RBM33: variants seen among roughly 807,000 people sequenced by gnomAD.
RBM33 encodes RNA-binding protein 33.
A neutral mutation model predicts 132.6 loss-of-function variants in RBM33; 28 were observed. That is an observed-to-expected ratio of 0.21 (90% CI 0.16 to 0.29). The LOEUF (loss-of-function observed/expected upper bound fraction) is 0.29, where lower values mean the gene tolerates loss of function less well. Among genes scored for constraint, RBM33 ranks in the 10% least tolerant of loss-of-function variants. RBM33 has a pLI of 1.00. For synonymous variants in RBM33, 634 were observed against 593.0 expected, an observed-to-expected ratio of 1.07 and a Z score of -1.01; for missense variants, 1,291 against 1,518.5, an observed-to-expected ratio of 0.85 and a Z score of 2.49.
At chr7:155,704,983 TTTG>T (rs1231975681) in intron 6 of RBM33, among the ~76,000 whole-genome samples, 6 of 152,328 alleles carry the variant, frequency 3.9e-5, no homozygotes, top group African/African-American at 1.4e-4. Context: ...CAGACTGTCA[TTTG>T]TTATTTTTAT....
chr7:155,685,762 G>C (rs1015988864), intron 5 of RBM33, among the ~76,000 whole-genome samples: 1 of 152,226 alleles, frequency 6.6e-6, no homozygotes, highest in Non-Finnish European at 1.5e-5. Flanking sequence ...AGACATGCAA[G>C]CCACAAATCA....
At chr7:155,695,607 G>A (rs147848509) in intron 5 of RBM33, among the ~76,000 whole-genome samples, 1,620 of 151,982 alleles carry the variant, frequency 0.011, 23 homozygotes, top group African/African-American at 0.037. Flanking sequence ...TTACAGGCAC[G>A]TACCACCACA....
rs370683007 is a variant in RBM33, at chr7:155,745,419, G to C, written c.2796G>C (p.Pro932=). The C allele has an allele frequency of 6.2e-7, 1 of 1,613,764 alleles. No individual in the cohort carries two copies. Among genetic ancestry groups the C allele is most frequent in the Non-Finnish European group, 8.5e-7 (1 of 1,179,812 alleles). ...CTCAGCCGCTGCATAAAGTGCTCCCGATCAAACCTGCAGATGTGGAGGAGC... is the reference window on the plus strand; with the variant it reads ...CTCAGCCGCTGCATAAAGTGCTCCCCATCAAACCTGCAGATGTGGAGGAGC... ...SQTQPLHKVL[P]IKPADVEEPA... is the part of the protein sequence containing the mutation. The change falls in exon 14 of 18, where the codon CCG becomes CCC. Residue 932 remains proline (P), a synonymous_variant. Coordinates refer to ENST00000401878, the MANE Select transcript of RBM33 (RefSeq NM_053043.3). This position sits in a 1 kb window ranked among gnomAD's most constrained non-coding sequence, Gnocchi z 4.1.
Position 155,772,278 on chromosome 7 carries a change from TTTAGGTTCGGG to T in RBM33, c.3376-2273_3376-2263del, listed in dbSNP as rs1448947848. On this transcript the variant is annotated intron_variant, in intron 16 of 17. Transcript: ENST00000401878. ...GCTCTAACCTAGGTTAGGGTTAGGGTTTAGGTTCGGGTTAGGTTAGGGTTAGGGTTAGGCTG... is the reference window on the plus strand; with the variant it reads ...GCTCTAACCTAGGTTAGGGTTAGGGTTTAGGTTAGGGTTAGGGTTAGGCTG... 2.2e-4 allele frequency among the ~76,000 whole-genome samples: 33 copies of T among 151,788 alleles called. No individual in the cohort carries two copies. In the South Asian group the frequency reaches 6.7e-3, roughly 31 times the overall value.
intron 15 of RBM33, among the ~76,000 whole-genome samples, chr7:155,764,759 G>T (rs910910768): frequency 1.3e-5 from 2 of 152,270 alleles, no homozygotes; most frequent in Non-Finnish European, 2.9e-5. Flanking sequence ...CCTGGGCGCA[G>T]CCCTGCTTTG....
rs1214784330 is a variant in RBM33, at chr7:155,741,143, A to G, written c.2050-676A>G. 5.3e-5 allele frequency among the ~76,000 whole-genome samples: 8 copies of G among 152,130 alleles called. 1 individual carries two copies. On this transcript the variant is annotated intron_variant, in intron 12 of 17. Coordinates refer to ENST00000401878, the MANE Select transcript of RBM33 (RefSeq NM_053043.3). ...TTATAACCTGGGTTTCATTTGTTAG[A>G]ATAATGGTAGGCTAGTCTCATGACC... is the stretch of plus-strand genomic sequence containing the variant.
In RBM33 at chr7:155,689,882, T is replaced by A. The variant is rs150638524; in HGVS notation, c.567+8974T>A. Among the ~76,000 whole-genome samples, 1,101 of 152,342 alleles carry A rather than the reference T, an allele frequency of 7.2e-3. 18 individuals are homozygous for A. The highest frequency in any genetic ancestry group is 0.025 in the African/African-American group (1,050 of 41,576). On this transcript the variant is annotated intron_variant, in intron 5 of 17. Coordinates refer to ENST00000401878, the MANE Select transcript of RBM33 (RefSeq NM_053043.3). The stretch of plus-strand genomic sequence containing the variant: ...TTCTTTTACATTTGCTGAGGAGTGC[T>A]TTACTTCCAACTGTGTGGTCAATTT...
Position 155,777,243 on chromosome 7 carries a change from T to A in RBM33, c.*2202T>A, listed in dbSNP as rs567343993. 1 of 152,634 alleles carries A rather than the reference T, an allele frequency of 6.6e-6. No individual in the cohort carries two copies. The highest frequency in any genetic ancestry group is 1.9e-4 in the East Asian group (1 of 5,188). The allele number at this position is 152,634 out of a possible 1,614,324, so 9.5% of individuals were successfully genotyped here. A position where few individuals can be genotyped will look rare whatever the true frequency, so the allele number is the denominator to read the frequency against. On this transcript the variant is annotated 3_prime_UTR_variant, in exon 18 of 18. Transcript: ENST00000401878. Reference sequence around the variant, plus strand: ...AAGGTCTGTTTTGGTGTTACCTGAGTGTGACACAGGCCCTGGGGTGTGCGT... The same window carrying A: ...AAGGTCTGTTTTGGTGTTACCTGAGAGTGACACAGGCCCTGGGGTGTGCGT...
intron 14 of RBM33, among the ~76,000 whole-genome samples, chr7:155,752,662 G>A (rs191002455): frequency 5.3e-5 from 8 of 152,272 alleles, no homozygotes; most frequent in East Asian, 1.9e-4. Context: ...GCCGCCCATC[G>A]CCCTGTGAGA....
Position 155,779,233 on chromosome 7 carries a change from G to C in RBM33, c.*4192G>C, listed in dbSNP as rs1428116770. On this transcript the variant is annotated 3_prime_UTR_variant, in exon 18 of 18. Transcript: ENST00000401878. ...TTTTTAATTTGGAGTGGGAGGGAGG[G>C]GGGTGGGCGAGAGAAAGCTCGAAAG... 6.7e-6 allele frequency: 1 copy of C among 148,884 alleles called. No individual in the cohort carries two copies. The highest frequency in any genetic ancestry group is 1.5e-5 in the Non-Finnish European group (1 of 67,208). 9.2% of individuals were successfully genotyped at this position (148,884 alleles called of 1,614,324 possible).
chr7:155,726,989 G>A (rs922005110), intron 9 of RBM33, among the ~76,000 whole-genome samples: 2 of 152,222 alleles, frequency 1.3e-5, no homozygotes, highest in African/African-American at 4.8e-5. Flanking sequence ...TATTGGAGCA[G>A]TATTTCTGTC....
chr7:155,691,255 C>G (rs756186723), intron 5 of RBM33, among the ~76,000 whole-genome samples: 1 of 152,110 alleles, frequency 6.6e-6, no homozygotes, highest in Non-Finnish European at 1.5e-5. Context: ...TCCAGTTGAT[C>G]GAATCGGCTA....
chr7:155,645,058 C>G (rs1350854160), intron 1 of RBM33, 139 bp downstream of exon 1: 9 of 576,582 alleles, frequency 1.6e-5, no homozygotes, highest in South Asian at 4.8e-5. Context: ...ATTCCGTTTT[C>G]TCCCTCGCCT....
At chr7:155,657,189 A>G (rs753023350) in intron 1 of RBM33, among the ~76,000 whole-genome samples, 2 of 152,124 alleles carry the variant, frequency 1.3e-5, no homozygotes, top group African/African-American at 2.4e-5. Flanking sequence ...ATTATTTTTG[A>G]TGATCCTGGC....
At chr7:155,725,549 T>G (rs527713509) in intron 9 of RBM33, among the ~76,000 whole-genome samples, 1 of 152,124 alleles carries the variant, frequency 6.6e-6, no homozygotes, top group African/African-American at 2.4e-5. Context: ...CTACATAAAA[T>G]TGTGACCCTC....
chr7:155,661,814 A>G (rs1227881582), intron 1 of RBM33, among the ~76,000 whole-genome samples: 4 of 152,126 alleles, frequency 2.6e-5, no homozygotes, highest in African/African-American at 9.7e-5. Flanking sequence ...ATGGCTACTT[A>G]CAGATCTTTT....
intron 9 of RBM33, among the ~76,000 whole-genome samples, chr7:155,726,616 T>G (rs1405119242): frequency 6.6e-6 from 1 of 152,234 alleles, no homozygotes; most frequent in Non-Finnish European, 1.5e-5. Flanking sequence ...TTCTGTTAAG[T>G]GAGGTATTCA....
At chr7:155,713,489 C>T (rs1288924765) in intron 8 of RBM33, among the ~76,000 whole-genome samples, 1 of 151,826 alleles carries the variant, frequency 6.6e-6, no homozygotes, top group East Asian at 1.9e-4. Context: ...GGAATGGGGG[C>T]AGGAGGAGAG....
chr7:155,698,459 C>A (rs1283827746), intron 5 of RBM33, among the ~76,000 whole-genome samples: 1 of 152,044 alleles, frequency 6.6e-6, no homozygotes, highest in East Asian at 1.9e-4. Context: ...TTTTTTAAGC[C>A]CCATATTTAG....
Sources: gnomAD v4.1 joint callset for allele counts (sites outside exome capture counted in the v4.1 genomes callset) on GRCh38, gnomAD v4.1.1 for gene constraint, Gnocchi (gnomAD v3.1) non-coding constraint, MANE v1.5 for transcripts, NCBI Gene and HGNC (gene_info 2026-07-23, HGNC 2026-07-21) for gene names.